Variants in ERC2 observed in about 807,000 individuals in gnomAD.
ERC2 encodes ELKS/RAB6-interacting/CAST family member 2.
ERC2 carries 42 observed loss-of-function variants against 114.8 expected under a neutral mutation model. The observed-to-expected ratio is 0.37, with a 90% confidence interval of 0.29 to 0.47. ERC2 has a LOEUF of 0.47. Among genes scored for constraint, ERC2 ranks in the 20% least tolerant of loss-of-function variants. ERC2 has a pLI of 0.99. For synonymous variants in ERC2, 454 were observed against 425.5 expected (o/e 1.07, Z -0.82); for missense variants, 939 against 1,150.7 (o/e 0.82, Z 2.66).
intron 14 of ERC2, among the ~76,000 whole-genome samples, chr3:55,771,166 T>C (rs538206385): frequency 1.3e-3 from 200 of 152,320 alleles, no homozygotes; most frequent in Non-Finnish European, 2.0e-3. Flanking sequence ...TACCCAGTAA[T>C]GGGATTGCTG....
intron 13 of ERC2, among the ~76,000 whole-genome samples, chr3:55,893,267 C>A (rs771277547): frequency 6.6e-6 from 1 of 152,102 alleles, no homozygotes; most frequent in African/African-American, 2.4e-5. Flanking sequence ...GTTTATTTTG[C>A]AAATTACTCA....
At chr3:55,555,194 T>C (rs1446458671) in intron 17 of ERC2, among the ~76,000 whole-genome samples, 1 of 152,188 alleles carries the variant, frequency 6.6e-6, no homozygotes, top group East Asian at 1.9e-4. Flanking sequence ...ACCCTAAACC[T>C]TTCAACTCTG....
chr3:55,762,179 T>C (rs34987120), intron 14 of ERC2, among the ~76,000 whole-genome samples: 171 of 152,306 alleles, frequency 1.1e-3, no homozygotes, highest in Non-Finnish European at 2.0e-3. Context: ...AGTTGGCCCA[T>C]GGGCCATACT....
chr3:56,162,683 T>C (rs922963833), intron 4 of ERC2, among the ~76,000 whole-genome samples: 1 of 152,194 alleles, frequency 6.6e-6, no homozygotes, highest in African/African-American at 2.4e-5. Context: ...TTCATAATAG[T>C]CTCTGAGGAT....
intron 7 of ERC2, among the ~76,000 whole-genome samples, chr3:56,074,039 C>T (rs1304267974): frequency 6.6e-6 from 1 of 152,056 alleles, no homozygotes; most frequent in Admixed American, 6.6e-5. Flanking sequence ...GTGGCTGCAT[C>T]TCTGCTGGTT....
chr3:56,118,870 T>G (rs572937179), intron 6 of ERC2, among the ~76,000 whole-genome samples: 1 of 152,218 alleles, frequency 6.6e-6, no homozygotes, highest in South Asian at 2.1e-4. Context: ...TCTCCTGACC[T>G]TGTGACCCAC....
intron 7 of ERC2, among the ~76,000 whole-genome samples, chr3:56,029,478 C>A (rs538489545): frequency 8.6e-5 from 13 of 151,978 alleles, no homozygotes; most frequent in Non-Finnish European, 1.5e-4. Flanking sequence ...TTTTCAGGAG[C>A]CTTTTAACTA....
intron 7 of ERC2, among the ~76,000 whole-genome samples, chr3:56,028,507 G>C (rs1298562368): frequency 2.6e-5 from 4 of 152,020 alleles, no homozygotes; most frequent in African/African-American, 9.7e-5. Flanking sequence ...TCAGCATACA[G>C]ATCCTGCAGG....
chr3:55,630,230 C>T (rs920246556), intron 17 of ERC2, among the ~76,000 whole-genome samples: 2 of 152,178 alleles, frequency 1.3e-5, no homozygotes, highest in Non-Finnish European at 2.9e-5. Flanking sequence ...AGTGCGATGG[C>T]GCGATCTTGG....
At chr3:56,059,177 G>A (rs922747288) in intron 7 of ERC2, among the ~76,000 whole-genome samples, 12 of 151,146 alleles carry the variant, frequency 7.9e-5, no homozygotes, top group Admixed American at 1.3e-4. Context: ...TGCAACCTCC[G>A]CCCCCCAGGT....
intron 3 of ERC2, among the ~76,000 whole-genome samples, chr3:56,266,031 AAAATAAAAT>A (rs2053272172): frequency 4.3e-4 from 3 of 6,906 alleles, no homozygotes; most frequent in Admixed American, 7.0e-3. Flanking sequence ...TCCGACCAAA[AAAATAAAAT>A]AAAATAAAAT....
intron 17 of ERC2, among the ~76,000 whole-genome samples, chr3:55,617,615 T>TA (rs1200415188): frequency 3.9e-5 from 6 of 152,180 alleles, no homozygotes. Flanking sequence ...GCCAAGATGA[T>TA]AAACTCCCAG....
At chr3:55,879,363 T>C (rs181457818) in intron 14 of ERC2, among the ~76,000 whole-genome samples, 1 of 152,298 alleles carries the variant, frequency 6.6e-6, no homozygotes, top group Non-Finnish European at 1.5e-5. Flanking sequence ...AAATTTTGCC[T>C]ACCAACTCTA....
chr3:55,727,239 G>T (rs962360765), intron 15 of ERC2, among the ~76,000 whole-genome samples: 5 of 152,132 alleles, frequency 3.3e-5, no homozygotes, highest in African/African-American at 1.2e-4. Flanking sequence ...ATATTTTTTA[G>T]AACTGGCCTC....
At chr3:56,081,010 T>C (rs374019883) in intron 6 of ERC2, 26 bp from the exon 7 acceptor site, 3 of 1,607,008 alleles carry the variant, frequency 1.9e-6, no homozygotes, top group Non-Finnish European at 2.5e-6. Flanking sequence ...AGACAGAAGG[T>C]TGTGGTTTTA....
chr3:55,795,851 T>A (rs1020344396), intron 14 of ERC2, among the ~76,000 whole-genome samples: 6 of 152,198 alleles, frequency 3.9e-5, no homozygotes, highest in Non-Finnish European at 8.8e-5. Flanking sequence ...TAGGGTTGCT[T>A]CATCATTCAG....
intron 1 of ERC2, among the ~76,000 whole-genome samples, chr3:56,435,483 C>T (rs1174289933): frequency 1.3e-5 from 2 of 152,212 alleles, no homozygotes; most frequent in Admixed American, 1.3e-4. Flanking sequence ...AGAAAATTCC[C>T]CATGGAATTG....
rs572945322 is a variant in ERC2, at chr3:56,442,063, C to T, written c.-140-6916G>A. 2.0e-5 allele frequency among the ~76,000 whole-genome samples: 3 copies of T among 152,156 alleles called. No individual in the cohort carries two copies. In the East Asian group the frequency reaches 5.8e-4, roughly 29 times the overall value. The stretch of plus-strand genomic sequence containing the variant: ...AAATCAAAATGAAACAATTTATACT[C>T]ACATCCTTACTCTTGACTCTCTTTC... On this transcript the variant is annotated intron_variant, in intron 1 of 17. Transcript: ENST00000288221.
At chr3:56,192,068 C>A (rs928296135) in intron 3 of ERC2, among the ~76,000 whole-genome samples, 4 of 152,184 alleles carry the variant, frequency 2.6e-5, no homozygotes, top group Non-Finnish European at 5.9e-5. Flanking sequence ...ACTGAGAAAA[C>A]TAAGTGACTG....
Sources: gnomAD v4.1 joint callset for allele counts (sites outside exome capture counted in the v4.1 genomes callset) on GRCh38, gnomAD v4.1.1 for gene constraint, MANE v1.5 for transcripts, NCBI Gene and HGNC (gene_info 2026-07-23, HGNC 2026-07-21) for gene names.